CCDC171: variants seen among roughly 807,000 people sequenced by gnomAD.
CCDC171 encodes coiled-coil domain containing 171, also known as coiled-coil domain-containing protein 171.
Under a neutral mutation model 168.2 loss-of-function variants are expected in CCDC171, and 177 were observed. That is an observed-to-expected ratio of 1.05 (90% CI 0.93 to 1.19). The LOEUF is 1.19. Among genes scored for constraint, CCDC171 ranks in the 50% most tolerant of loss-of-function variants. The probability of loss-of-function intolerance (pLI) is 0.00; values close to 1 mark genes in which losing one functional copy is unlikely to be tolerated. For synonymous variants in CCDC171, 687 were observed against 540.8 expected (o/e 1.27, Z -3.75); for missense variants, 1,991 against 1,539.0 (o/e 1.29, Z -4.91).
At position 15,724,940 on chromosome 9, in the gene CCDC171, G is replaced by C; in HGVS notation, c.1656G>C (p.Leu552=). ...KAQAAQSESE[L]QKLSQAFHKD... ...AGGCAGCCCAGTCTGAAAGTGAACT[G>C]CAGAAGCTTTCCCAGGCTTTCCATA... The change falls in exon 14 of 26, where the codon CTG becomes CTC. Residue 552 remains leucine (L), a synonymous_variant. Coordinates refer to ENST00000380701, the MANE Select transcript of CCDC171 (RefSeq NM_173550.4). The C allele has an allele frequency of 6.2e-7, 1 of 1,613,918 alleles. No homozygotes were observed. Among genetic ancestry groups the C allele is most frequent in the Middle Eastern group, 1.7e-4 (1 of 6,054 alleles).
At chr9:15,954,055 T>G (rs180891281) in intron 25 of CCDC171, among the ~76,000 whole-genome samples, 1 of 151,922 alleles carries the variant, frequency 6.6e-6, no homozygotes. Flanking sequence ...AATTTGAGTT[T>G]CTTTTTTTCT....
chr9:15,584,644 G>T (rs1376734526), intron 4 of CCDC171, among the ~76,000 whole-genome samples: 1 of 152,146 alleles, frequency 6.6e-6, no homozygotes, highest in Non-Finnish European at 1.5e-5. Flanking sequence ...TTTATATCTT[G>T]CTTTGGGGAG....
intron 21 of CCDC171, among the ~76,000 whole-genome samples, chr9:15,841,377 T>C (rs2060674191): frequency 1.3e-5 from 2 of 152,186 alleles, no homozygotes; most frequent in Non-Finnish European, 1.5e-5. Flanking sequence ...GAAGTGTAAT[T>C]ATTAATCCTG....
chr9:16,023,201 C>A (rs938467352), intron 6 of CCDC171, among the ~76,000 whole-genome samples: 2 of 151,982 alleles, frequency 1.3e-5, no homozygotes, highest in African/African-American at 2.4e-5. Context: ...GCAATTTGAA[C>A]TGCTTATTAA....
At chr9:15,909,041 G>T (rs1011199404) in intron 24 of CCDC171, among the ~76,000 whole-genome samples, 1 of 152,162 alleles carries the variant, frequency 6.6e-6, no homozygotes, top group African/African-American at 2.4e-5. Flanking sequence ...TGGGCATGGG[G>T]AATCAGAAGT....
chr9:15,740,174 T>C (rs1386199574), intron 16 of CCDC171, among the ~76,000 whole-genome samples: 1 of 152,108 alleles, frequency 6.6e-6, no homozygotes, highest in African/African-American at 2.4e-5. Context: ...GTGGTTTCAT[T>C]TTTTTTACAT....
chr9:15,869,348 T>C (rs1476281453), intron 23 of CCDC171, among the ~76,000 whole-genome samples: 1 of 151,962 alleles, frequency 6.6e-6, no homozygotes. Flanking sequence ...TTTCATTGCA[T>C]TGACACACTT....
intron 25 of CCDC171, among the ~76,000 whole-genome samples, chr9:15,941,499 C>T (rs563383032): frequency 1.7e-4 from 26 of 151,966 alleles, no homozygotes; most frequent in African/African-American, 5.3e-4. Context: ...AATAAGGAAT[C>T]TTAAAAAAGA....
chr9:15,754,131 C>T (rs961775530), intron 18 of CCDC171, among the ~76,000 whole-genome samples: 20 of 152,050 alleles, frequency 1.3e-4, no homozygotes, highest in Non-Finnish European at 2.5e-4. Flanking sequence ...AGAATAATGA[C>T]AGTAATAAAT....
rs1225381940 is a variant in CCDC171, at chr9:15,677,919, TATATATAA to T, written c.1077-838_1077-831del. ...ATATATATATATATATATATATATA[TATATATAA>T]GAGATGTGGTCTCATTCTGTTACCT... On this transcript the variant is annotated intron_variant, in intron 9 of 25. Coordinates refer to ENST00000380701, the MANE Select transcript of CCDC171 (RefSeq NM_173550.4). Among the ~76,000 whole-genome samples, 310 of 34,284 alleles carry T rather than the reference TATATATAA, an allele frequency of 9.0e-3. 25 individuals carry two copies. Among genetic ancestry groups the T allele is most frequent in the Non-Finnish European group, 0.011 (217 of 20,380 alleles). The allele number at this position is 34,284 out of a possible 152,430, so 22.5% of individuals were successfully genotyped here.
the CCDC171 span, among the ~76,000 whole-genome samples, chr9:16,100,003 TAAAAAAAAAAAAAGAAAAATCTA>T: frequency 2.1e-5 from 3 of 145,694 alleles, no homozygotes; most frequent in African/African-American, 7.6e-5. Context: ...GCTTTCAAGT[TAAAAAAAAAAAAAGAAAAATCTA>T]ATCCAGGCTT....
intron 25 of CCDC171, among the ~76,000 whole-genome samples, chr9:15,971,217 C>T (rs1429518104): frequency 6.6e-6 from 1 of 151,940 alleles, no homozygotes. Context: ...TCTAATCTTC[C>T]ATATTATATG....
intron 21 of CCDC171, among the ~76,000 whole-genome samples, chr9:15,808,880 A>C (rs2059196930): frequency 6.6e-6 from 1 of 152,172 alleles, no homozygotes; most frequent in South Asian, 2.1e-4. Context: ...ATTGCTGGTT[A>C]TTGAGAAGTC....
At chr9:15,630,888 C>T (rs2045625166) in intron 7 of CCDC171, among the ~76,000 whole-genome samples, 1 of 152,196 alleles carries the variant, frequency 6.6e-6, no homozygotes, top group Non-Finnish European at 1.5e-5. Context: ...TGCTCAACTA[C>T]ATGGAAACTG....
At chr9:15,990,212 A>T (rs576580461) in intron 3 of CCDC171, among the ~76,000 whole-genome samples, 45 of 152,182 alleles carry the variant, frequency 3.0e-4, no homozygotes, top group Non-Finnish European at 5.1e-4. Context: ...GAAGCCCATC[A>T]GACTGACAGC....
rs926388826 is a variant in CCDC171, at chr9:15,858,535, C to T, written c.3468+9588C>T. On this transcript the variant is annotated intron_variant, in intron 23 of 25. Transcript: ENST00000380701. ...TATGAACATTTTAACAATAATAAGT[C>T]TTCCAATTCATGAACACAGAATGTT... Among the ~76,000 whole-genome samples the T allele has an allele frequency of 7.6e-5, 10 of 130,890 alleles. 1 individual carries two copies. Among genetic ancestry groups the T allele is most frequent in the African/African-American group, 2.6e-4 (10 of 37,996 alleles). 85.9% of individuals were successfully genotyped at this position (130,890 alleles called of 152,430 possible). A position where few individuals can be genotyped will look rare whatever the true frequency, so the allele number is the denominator to read the frequency against.
chr9:16,068,055 A>G, the CCDC171 span, among the ~76,000 whole-genome samples: 1 of 149,986 alleles, frequency 6.7e-6, no homozygotes, highest in African/African-American at 2.5e-5. Flanking sequence ...TATCTAGAAA[A>G]CCCCATTGTC....
intron 16 of CCDC171, among the ~76,000 whole-genome samples, chr9:15,735,950 G>A (rs532928191): frequency 6.6e-6 from 1 of 152,238 alleles, no homozygotes; most frequent in African/African-American, 2.4e-5. Flanking sequence ...CGTGGTGCTT[G>A]ATATAATTTT....
intron 21 of CCDC171, among the ~76,000 whole-genome samples, chr9:15,839,090 A>G (rs751245754): frequency 8.5e-5 from 13 of 152,320 alleles, no homozygotes; most frequent in Admixed American, 2.6e-4. Context: ...TGTACAATTC[A>G]TCATTTCTTT....
Sources: gnomAD v4.1 joint callset for allele counts (sites outside exome capture counted in the v4.1 genomes callset) on GRCh38, gnomAD v4.1.1 for gene constraint, MANE v1.5 for transcripts, NCBI Gene and HGNC (gene_info 2026-07-23, HGNC 2026-07-21) for gene names.